The following NALF1 variants were observed in gnomAD, a reference collection of about 807,000 sequenced individuals.
The protein encoded by NALF1 is family with sequence similarity 155 member A.
A neutral mutation model predicts 48.4 loss-of-function variants in NALF1; 3 were observed. The ratio of observed to expected loss-of-function variants is 0.06; its 90% CI spans 0.03 to 0.16. NALF1 has a LOEUF of 0.16. NALF1 is among the 10% of genes least tolerant of loss of function. The pLI is 1.00. For missense variants in NALF1, 526 were observed against 571.5 expected (o/e 0.92, Z 0.81); for synonymous variants, 262 against 245.7 (o/e 1.07, Z -0.62).
intron 1 of NALF1, among the ~76,000 whole-genome samples, chr13:107,458,232 C>T (rs1027455073): frequency 2.6e-5 from 4 of 152,262 alleles, no homozygotes; most frequent in South Asian, 2.1e-4. Context: ...AAGTGACCAG[C>T]CCTCATATTT....
At chr13:107,174,583 T>C (rs560391259) in intron 2 of NALF1, among the ~76,000 whole-genome samples, 215 of 151,984 alleles carry the variant, frequency 1.4e-3, no homozygotes, top group Non-Finnish European at 2.6e-3. Flanking sequence ...TCTTGATCTC[T>C]TGACCTCGTG....
chr13:107,751,136 T>C (rs980010792), intron 1 of NALF1, among the ~76,000 whole-genome samples: 2 of 152,222 alleles, frequency 1.3e-5, no homozygotes, highest in African/African-American at 4.8e-5. Flanking sequence ...TTCCAGAAAA[T>C]TATCTATTTT....
chr13:107,833,776 G>A (rs1879810313), intron 1 of NALF1, among the ~76,000 whole-genome samples: 1 of 151,936 alleles, frequency 6.6e-6, no homozygotes, highest in African/African-American at 2.4e-5. Context: ...CTCATGTAAA[G>A]GTATTATTCC....
At chr13:107,684,963 T>C (rs1881399100) in intron 1 of NALF1, among the ~76,000 whole-genome samples, 1 of 152,136 alleles carries the variant, frequency 6.6e-6, no homozygotes, top group South Asian at 2.1e-4. Flanking sequence ...CTCCTGTGAG[T>C]CTGGGGACCA....
intron 1 of NALF1, among the ~76,000 whole-genome samples, chr13:107,527,936 G>A (rs1876499040): frequency 6.6e-6 from 1 of 152,094 alleles, no homozygotes; most frequent in East Asian, 1.9e-4. Flanking sequence ...CTAATACAAA[G>A]CCTAACTGAA....
At chr13:107,325,574 A>G (rs1043072977) in intron 1 of NALF1, among the ~76,000 whole-genome samples, 2 of 151,930 alleles carry the variant, frequency 1.3e-5, no homozygotes, top group Non-Finnish European at 2.9e-5. Flanking sequence ...GCAGTGGCTC[A>G]CGCCTGTAAT....
At chr13:107,694,426 G>C (rs1881650806) in intron 1 of NALF1, among the ~76,000 whole-genome samples, 1 of 151,836 alleles carries the variant, frequency 6.6e-6, no homozygotes, top group African/African-American at 2.4e-5. Flanking sequence ...TTACATTGTT[G>C]AAGTCAAAAT....
At chr13:107,188,073 C>T (rs967557026) in intron 2 of NALF1, among the ~76,000 whole-genome samples, 1 of 152,064 alleles carries the variant, frequency 6.6e-6, no homozygotes, top group African/African-American at 2.4e-5. Flanking sequence ...CCAGAATCTG[C>T]CACATCCATA....
At chr13:107,269,995 T>A (rs1484625865) in intron 1 of NALF1, among the ~76,000 whole-genome samples, 2 of 147,766 alleles carry the variant, frequency 1.4e-5, no homozygotes, top group Admixed American at 1.4e-4. Context: ...TGGTCTCGAT[T>A]TCCTGACCTC....
At chr13:107,634,610 A>G (rs554333930) in intron 1 of NALF1, among the ~76,000 whole-genome samples, 2 of 152,260 alleles carry the variant, frequency 1.3e-5, no homozygotes, top group South Asian at 2.1e-4. Flanking sequence ...AAAACCAGAC[A>G]AAAGGAGGAA....
chr13:107,422,660 A>T (rs1301813750), intron 1 of NALF1, among the ~76,000 whole-genome samples: 2 of 152,188 alleles, frequency 1.3e-5, no homozygotes, highest in Non-Finnish European at 2.9e-5. Context: ...TGATTCAAAA[A>T]ACAGTTATCT....
At chr13:107,596,249 G>A (rs1267379045) in intron 1 of NALF1, among the ~76,000 whole-genome samples, 2 of 152,196 alleles carry the variant, frequency 1.3e-5, no homozygotes, top group African/African-American at 4.8e-5. Context: ...CAGCCATTGT[G>A]AAAGACAGTG....
At chr13:107,785,262 C>G (rs1286307600) in intron 1 of NALF1, among the ~76,000 whole-genome samples, 1 of 152,078 alleles carries the variant, frequency 6.6e-6, no homozygotes, top group Non-Finnish European at 1.5e-5. Flanking sequence ...AGTAGGATTA[C>G]TATGTGCTGA....
intron 1 of NALF1, among the ~76,000 whole-genome samples, chr13:107,524,934 C>A (rs962752105): frequency 6.6e-6 from 1 of 151,764 alleles, no homozygotes; most frequent in South Asian, 2.1e-4. Flanking sequence ...AGCTGAGGAA[C>A]TTGTTCTCAG....
intron 1 of NALF1, among the ~76,000 whole-genome samples, chr13:107,660,480 C>CAAA (rs777592432): frequency 3.0e-5 from 2 of 65,814 alleles, no homozygotes; most frequent in Non-Finnish European, 6.5e-5. Context: ...CACACACACA[C>CAAA]ACACAACAAA....
rs143556847 is a variant in NALF1 at position 107,796,669 on chromosome 13, G to T, written c.915+69013C>A. ...GTTACTTCTCTATGCTGTTAGGGTG[G>T]TCCTTCCTCCTTCACCAATCATAAA... On this transcript the variant is annotated intron_variant, in intron 1 of 2. Coordinates refer to ENST00000375915, the MANE Select transcript of NALF1 (RefSeq NM_001080396.3). Among the ~76,000 whole-genome samples the T allele has an allele frequency of 5.1e-3, 773 of 152,146 alleles. 23 individuals are homozygous for T. Among genetic ancestry groups the T allele is most frequent in the Admixed American group, 0.038 (574 of 15,282 alleles).
At position 107,250,297 on chromosome 13, in the gene NALF1, T is replaced by C. The variant is rs1880672074; in HGVS notation, c.916-39542A>G. Among the ~76,000 whole-genome samples, 3 of 152,212 alleles carry C rather than the reference T, an allele frequency of 2.0e-5. No homozygotes were observed. In the South Asian group the frequency reaches 6.2e-4, roughly 32 times the overall value. ...CCATAGGAAAAATATTTCTACATAA[T>C]TGAAATTAACTAGAAACTATTTTAT... is the stretch of plus-strand genomic sequence containing the variant. On this transcript the variant is annotated intron_variant, in intron 1 of 2. Coordinates refer to ENST00000375915, the MANE Select transcript of NALF1 (RefSeq NM_001080396.3).
At chr13:107,782,956 C>T (rs1427206520) in intron 1 of NALF1, among the ~76,000 whole-genome samples, 2 of 145,860 alleles carry the variant, frequency 1.4e-5, no homozygotes, top group East Asian at 2.1e-4. Flanking sequence ...CCGCCCCGTC[C>T]GGGAGGGAGG....
At chr13:107,676,729 T>C (rs1449506468) in intron 1 of NALF1, among the ~76,000 whole-genome samples, 3 of 151,928 alleles carry the variant, frequency 2.0e-5, no homozygotes, top group Non-Finnish European at 2.9e-5. Flanking sequence ...TGTACATGTA[T>C]ATACCCCACA....
Sources: gnomAD v4.1 joint callset for allele counts (sites outside exome capture counted in the v4.1 genomes callset) on GRCh38, gnomAD v4.1.1 for gene constraint, MANE v1.5 for transcripts, NCBI Gene and HGNC (gene_info 2026-07-23, HGNC 2026-07-21) for gene names.